The following AUTS2 variants were observed in gnomAD, a reference collection of about 807,000 sequenced individuals.
AUTS2 encodes autism susceptibility gene 2 protein.
Under a neutral mutation model 112.4 loss-of-function variants are expected in AUTS2, and 17 were observed. The ratio of observed to expected loss-of-function variants is 0.15; its 90% CI spans 0.10 to 0.23. AUTS2 has a LOEUF of 0.23. Ranked by LOEUF, AUTS2 falls within the 10% of genes least tolerant of loss-of-function variation. The probability of loss-of-function intolerance (pLI) is 1.00; values close to 1 mark genes in which losing one functional copy is unlikely to be tolerated. For synonymous variants in AUTS2, 751 were observed against 702.7 expected, an observed-to-expected ratio of 1.07 and a Z score of -1.09; for missense variants, 1,510 against 1,701.6, an observed-to-expected ratio of 0.89 and a Z score of 1.98.
At chr7:69,895,263 GA>G (rs1044270978) in intron 1 of AUTS2, among the ~76,000 whole-genome samples, 73 of 152,192 alleles carry the variant, frequency 4.8e-4, no homozygotes, top group African/African-American at 1.7e-3. Flanking sequence ...AAGACAGTCT[GA>G]AAAAATTAAA....
chr7:70,555,514 T>TGGGACCCTCATATTCTTGGACCC (rs1801208964), intron 5 of AUTS2, among the ~76,000 whole-genome samples: 1 of 152,172 alleles, frequency 6.6e-6, no homozygotes, highest in African/African-American at 2.4e-5. Context: ...TCCTTGGACC[T>TGGGACCCTCATATTCTTGGACCC]GGGACCCTCA....
chr7:69,850,159 C>T (rs60401848), intron 1 of AUTS2, among the ~76,000 whole-genome samples: 6 of 151,062 alleles, frequency 4.0e-5, no homozygotes, highest in Non-Finnish European at 7.4e-5. Flanking sequence ...ATTAGCCGGG[C>T]GTAGTGGCAT....
chr7:70,514,965 T>C (rs1163669882), intron 5 of AUTS2, among the ~76,000 whole-genome samples: 1 of 152,232 alleles, frequency 6.6e-6, no homozygotes, highest in Non-Finnish European at 1.5e-5. Flanking sequence ...ATATTTTTAT[T>C]GAGTTGTTTA....
intron 1 of AUTS2, among the ~76,000 whole-genome samples, chr7:69,838,681 C>T (rs946691515): frequency 6.6e-6 from 1 of 152,090 alleles, no homozygotes; most frequent in Non-Finnish European, 1.5e-5. Flanking sequence ...AGCAGTGGAA[C>T]TCTTCTTTAA....
rs1793778710 is a variant in AUTS2, at chr7:69,876,380, A to ATG, written c.310-22905_310-22904insGT. 4.5e-5 allele frequency among the ~76,000 whole-genome samples: 5 copies of ATG among 112,114 alleles called. No individual in the cohort carries two copies. In the South Asian group the frequency reaches 1.4e-3, roughly 32 times the overall value. 73.6% of individuals were successfully genotyped at this position (112,114 alleles called of 152,430 possible). ...TATATATATATATATATATATATAT[A>ATG]TATGTATATATAATATGTATTATAT... On this transcript the variant is annotated intron_variant, in intron 1 of 18. Coordinates refer to ENST00000342771, the MANE Select transcript of AUTS2 (RefSeq NM_015570.4).
chr7:70,098,944 C>T (rs181386449), intron 2 of AUTS2, among the ~76,000 whole-genome samples: 183 of 152,108 alleles, frequency 1.2e-3, no homozygotes, highest in African/African-American at 4.1e-3. Context: ...TCAGGTGATC[C>T]GCCCACCTCG....
chr7:70,402,416 C>G (rs960464246), intron 4 of AUTS2, among the ~76,000 whole-genome samples: 2 of 151,738 alleles, frequency 1.3e-5, no homozygotes, highest in Non-Finnish European at 3.0e-5. Flanking sequence ...CGCAGAATCA[C>G]AGTTTGCTGT....
Position 69,821,668 on chromosome 7 carries a change from A to G in AUTS2, c.310-77618A>G, listed in dbSNP as rs540269691. Among the ~76,000 whole-genome samples the G allele has an allele frequency of 1.5e-3, 221 of 152,120 alleles. 1 individual carries two copies. Among genetic ancestry groups the G allele is most frequent in the African/African-American group, 4.4e-3 (184 of 41,510 alleles). On this transcript the variant is annotated intron_variant, in intron 1 of 18. Transcript: ENST00000342771. ...CTGAAGTCAGGGAAACCATGAACCC[A>G]CCGGGAAAAACAAACAACTCCAGAC...
Position 70,541,975 on chromosome 7 carries a change from T to C in AUTS2, c.690+106194T>C, listed in dbSNP as rs1283099726. ...CAGTGGCTGATGTGAATGTGGAACC[T>C]AATAGGATGAAAGAAATTACCATTA... On this transcript the variant is annotated intron_variant, in intron 5 of 18. Coordinates refer to ENST00000342771, the MANE Select transcript of AUTS2 (RefSeq NM_015570.4). Among the ~76,000 whole-genome samples the C allele has an allele frequency of 5.3e-5, 8 of 152,348 alleles. No individual in the cohort carries two copies. In the East Asian group the frequency reaches 1.5e-3, roughly 29 times the overall value.
rs372896915 is a variant in AUTS2, at chr7:69,949,578, A to G, written c.522+50080A>G. On this transcript the variant is annotated intron_variant, in intron 2 of 18. Coordinates refer to ENST00000342771, the MANE Select transcript of AUTS2 (RefSeq NM_015570.4). ...TTTACTTTAGTTTTTCTACCTCCCAATTGAAGCCACTATCAGATATATAGT... is the reference window on the plus strand; with the variant it reads ...TTTACTTTAGTTTTTCTACCTCCCAGTTGAAGCCACTATCAGATATATAGT... 1.3e-3 allele frequency among the ~76,000 whole-genome samples: 194 copies of G among 152,310 alleles called. 1 individual carries two copies. In the East Asian group the frequency reaches 0.013, roughly 10 times the overall value.
intron 1 of AUTS2, among the ~76,000 whole-genome samples, chr7:69,611,802 C>T (rs1583937028): frequency 2.0e-5 from 3 of 151,296 alleles, no homozygotes; most frequent in African/African-American, 4.9e-5. Flanking sequence ...CGGTGGCAGG[C>T]GCCTGTAGTC....
At chr7:70,740,670 C>T (rs1788048171) in intron 6 of AUTS2, among the ~76,000 whole-genome samples, 1 of 151,866 alleles carries the variant, frequency 6.6e-6, no homozygotes, top group South Asian at 2.1e-4. Flanking sequence ...CAATATTTAT[C>T]GTACTTATTT....
At chr7:69,780,600 A>T (rs1789102929) in intron 1 of AUTS2, among the ~76,000 whole-genome samples, 1 of 152,216 alleles carries the variant, frequency 6.6e-6, no homozygotes, top group Non-Finnish European at 1.5e-5. Flanking sequence ...GTGACTGGTC[A>T]CTGTGTGCCT....
At chr7:70,483,352 G>A (rs764538941) in intron 5 of AUTS2, among the ~76,000 whole-genome samples, 1 of 152,204 alleles carries the variant, frequency 6.6e-6, no homozygotes, top group Non-Finnish European at 1.5e-5. Context: ...AGAAGTTCCT[G>A]ACTTTCCTCA....
At chr7:69,695,592 G>C (rs947139402) in intron 1 of AUTS2, among the ~76,000 whole-genome samples, 2 of 151,948 alleles carry the variant, frequency 1.3e-5, no homozygotes, top group African/African-American at 4.8e-5. Context: ...AAATTAATTG[G>C]GCAAATGTTC....
intron 1 of AUTS2, among the ~76,000 whole-genome samples, chr7:69,703,565 T>C (rs1345931033): frequency 1.3e-5 from 2 of 152,214 alleles, no homozygotes; most frequent in Non-Finnish European, 2.9e-5. Context: ...CATTATACTT[T>C]TAGAGTAGGC....
chr7:70,510,923 A>G (rs1799156570), intron 5 of AUTS2, among the ~76,000 whole-genome samples: 1 of 152,086 alleles, frequency 6.6e-6, no homozygotes, highest in Non-Finnish European at 1.5e-5. Context: ...ATCTTGGCTC[A>G]CTGCAACCTC....
Position 69,810,502 on chromosome 7 carries a change from G to A in AUTS2, c.310-88784G>A, listed in dbSNP as rs187340033. On this transcript the variant is annotated intron_variant, in intron 1 of 18. Transcript: ENST00000342771. Reference sequence around the variant, plus strand: ...AAAAAAAAAAAAGATCCTTGTCTCCGGGAGCCTCAGTTTTTTTTTGATCAT... The same window carrying A: ...AAAAAAAAAAAAGATCCTTGTCTCCAGGAGCCTCAGTTTTTTTTTGATCAT... 2.4e-3 allele frequency among the ~76,000 whole-genome samples: 360 copies of A among 151,954 alleles called. 2 individuals carry two copies. Among genetic ancestry groups the A allele is most frequent in the African/African-American group, 7.6e-3 (314 of 41,462 alleles).
intron 1 of AUTS2, among the ~76,000 whole-genome samples, chr7:69,802,883 C>T (rs980857295): frequency 6.6e-6 from 1 of 152,164 alleles, no homozygotes; most frequent in Non-Finnish European, 1.5e-5. Context: ...GATCTTTGTA[C>T]AGAATACTGG....
Sources: gnomAD v4.1 joint callset for allele counts (sites outside exome capture counted in the v4.1 genomes callset) on GRCh38, gnomAD v4.1.1 for gene constraint, MANE v1.5 for transcripts, NCBI Gene and HGNC (gene_info 2026-07-23, HGNC 2026-07-21) for gene names.